The following NNMT variants were observed in gnomAD, a reference collection of about 807,000 sequenced individuals.
The protein encoded by NNMT is nicotinamide N-methyltransferase.
A neutral mutation model predicts 11.7 loss-of-function variants in NNMT; 10 were observed. The observed-to-expected ratio is 0.85, with a 90% CI of 0.53 to 1.45. The LOEUF (loss-of-function observed/expected upper bound fraction) is 1.45. Among genes scored for constraint, NNMT ranks in the 40% most tolerant of loss-of-function variants. NNMT has a pLI of 0.00. For synonymous variants in NNMT, 143 were observed against 133.8 expected (o/e 1.07, Z -0.48); for missense variants, 381 against 319.4 (o/e 1.19, Z -1.47).
intron 1 of NNMT, among the ~76,000 whole-genome samples, chr11:114,258,753 C>A (rs938645193): frequency 2.0e-5 from 3 of 152,208 alleles, no homozygotes; most frequent in African/African-American, 7.2e-5. Context: ...TGACAGAGCC[C>A]CTGCTCAGCA....
chr11:114,301,432 C>G (rs1431834870), intron 2 of NNMT, among the ~76,000 whole-genome samples: 1 of 152,056 alleles, frequency 6.6e-6, no homozygotes, highest in Admixed American at 6.6e-5. Context: ...GGAATAATAT[C>G]CAGTGCTAAA....
intron 2 of NNMT, among the ~76,000 whole-genome samples, chr11:114,267,659 C>T (rs1052853791): frequency 3.3e-5 from 5 of 152,210 alleles, no homozygotes; most frequent in African/African-American, 1.2e-4. Context: ...CTTGCTTCAC[C>T]TATTCTTCTG....
intron 2 of NNMT, among the ~76,000 whole-genome samples, chr11:114,298,868 G>C (rs1945410303): frequency 6.6e-6 from 1 of 152,114 alleles, no homozygotes; most frequent in Non-Finnish European, 1.5e-5. Flanking sequence ...GCCAGAGGTA[G>C]CCACGCCTGC....
upstream of NNMT, among the ~76,000 whole-genome samples, chr11:114,291,955 C>A (rs1785411176): frequency 6.6e-6 from 1 of 152,124 alleles, no homozygotes. Flanking sequence ...CTGGAAAATT[C>A]TCTGTCTTTA....
At chr11:114,269,082 G>A (rs577526689) in intron 2 of NNMT, among the ~76,000 whole-genome samples, 20 of 152,150 alleles carry the variant, frequency 1.3e-4, no homozygotes, top group African/African-American at 4.1e-4. Context: ...GAGGCAAAAC[G>A]AGACTAAATA....
At chr11:114,307,666 G>A (rs1945505009) in intron 2 of NNMT, among the ~76,000 whole-genome samples, 1 of 29,736 alleles carries the variant, frequency 3.4e-5, no homozygotes, top group African/African-American at 6.0e-5. Flanking sequence ...GCCCTGCCTA[G>A]TCTGGCTCTG....
chr11:114,258,785 C>T (rs1945051025), intron 1 of NNMT, among the ~76,000 whole-genome samples: 1 of 152,222 alleles, frequency 6.6e-6, no homozygotes. Flanking sequence ...CTTAAGATCA[C>T]TCTTGAGCCC....
upstream of NNMT, among the ~76,000 whole-genome samples, chr11:114,294,867 T>G (rs964755294): frequency 6.6e-6 from 1 of 151,904 alleles, no homozygotes; most frequent in African/African-American, 2.4e-5. Flanking sequence ...TGACCATGGG[T>G]TTTTTGGCTC....
chr11:114,276,458 A>G (rs914896783), intron 2 of NNMT, among the ~76,000 whole-genome samples: 2 of 152,288 alleles, frequency 1.3e-5, no homozygotes, highest in Non-Finnish European at 2.9e-5. Context: ...CCATCCTGCT[A>G]CCTCATTTGC....
In NNMT at chr11:114,312,181, G is replaced by T; in HGVS notation, c.499G>T (p.Asp167Tyr). 1 of 1,614,230 alleles carries T rather than the reference G, an allele frequency of 6.2e-7. No individual in the cohort carries two copies. Among genetic ancestry groups the T allele is most frequent in the Non-Finnish European group, 8.5e-7 (1 of 1,180,042 alleles). The change falls in exon 3 of 3, where the codon GAT becomes TAT. Residue 167 changes from aspartate (D) to tyrosine (Y), a missense_variant. Asp to Tyr is a radical substitution (Grantham distance 160). Coordinates refer to ENST00000299964, the MANE Select transcript of NNMT (RefSeq NM_006169.3). ...CTGCGTGCTCAGCACACTGTGTCTG[G>T]ATGCCGCCTGCCCAGACCTCCCCAC... ...ADCVLSTLCL[D>Y]AACPDLPTYC...
intron 2 of NNMT, among the ~76,000 whole-genome samples, chr11:114,307,177 A>G (rs933265552): frequency 6.6e-6 from 1 of 152,084 alleles, no homozygotes; most frequent in African/African-American, 2.4e-5. Flanking sequence ...TCAACTAGCT[A>G]TTTCCTCAAT....
intron 2 of NNMT, among the ~76,000 whole-genome samples, chr11:114,308,903 T>G (rs1023368014): frequency 7.2e-5 from 11 of 152,206 alleles, no homozygotes; most frequent in African/African-American, 2.7e-4. Flanking sequence ...TGGCACATTC[T>G]CTGTGAGCTT....
At chr11:114,268,642 G>A (rs997750063) in intron 2 of NNMT, among the ~76,000 whole-genome samples, 2 of 152,066 alleles carry the variant, frequency 1.3e-5, no homozygotes, top group Non-Finnish European at 2.9e-5. Context: ...GGTGGCACAC[G>A]CCTGTAGTCC....
chr11:114,265,732 C>A (rs998254832), intron 2 of NNMT, among the ~76,000 whole-genome samples: 1 of 152,184 alleles, frequency 6.6e-6, no homozygotes, highest in Admixed American at 6.5e-5. Flanking sequence ...AATTCAATTT[C>A]TCCGAAAATA....
chr11:114,296,580 G>T lies in NNMT; in HGVS notation c.24G>T (p.Lys8Asn). 6.2e-7 allele frequency: 1 copy of T among 1,614,012 alleles called. No homozygotes were observed. Among genetic ancestry groups the T allele is most frequent in the Non-Finnish European group, 8.5e-7 (1 of 1,179,990 alleles). MESGFTSKDTYLSHFNPR... is the reference protein window; with the variant it reads MESGFTSNDTYLSHFNPR... ...TAATGGAATCAGGCTTCACCTCCAAGGACACCTATCTAAGCCATTTTAACC... is the reference window on the plus strand; with the variant it reads ...TAATGGAATCAGGCTTCACCTCCAATGACACCTATCTAAGCCATTTTAACC... Residue 8 changes from lysine to asparagine, a missense_variant, in exon 1 of 3, where the codon AAG becomes AAT. Lys to Asn is a moderately conservative substitution (Grantham distance 94). Coordinates refer to ENST00000299964, the MANE Select transcript of NNMT (RefSeq NM_006169.3).
intron 2 of NNMT, among the ~76,000 whole-genome samples, chr11:114,283,181 A>C (rs1482446995): frequency 6.6e-6 from 1 of 152,168 alleles, no homozygotes; most frequent in Non-Finnish European, 1.5e-5. Flanking sequence ...AATGCCCCCC[A>C]TAGGAATTCT....
intron 2 of NNMT, among the ~76,000 whole-genome samples, chr11:114,283,122 T>C (rs1945273604): frequency 6.6e-6 from 1 of 152,138 alleles, no homozygotes. Context: ...TGGTTCTTAC[T>C]CAAATTAAAT....
intron 1 of NNMT, among the ~76,000 whole-genome samples, chr11:114,258,423 C>T (rs683271): frequency 0.29 from 44,447 of 152,156 alleles, 7,064 homozygotes; most frequent in East Asian, 0.55. Flanking sequence ...AGTTGCAGCC[C>T]GTGAGAAGAG....
chr11:114,302,991 C>A (rs561164831), intron 2 of NNMT, among the ~76,000 whole-genome samples: 1 of 152,144 alleles, frequency 6.6e-6, no homozygotes, highest in Non-Finnish European at 1.5e-5. Flanking sequence ...AGACTTCCAG[C>A]CTTTAGAATT....
Sources: allele counts gnomAD v4.1 joint callset (sites outside exome capture counted in the v4.1 genomes callset), GRCh38; gene constraint gnomAD v4.1.1; transcripts MANE v1.5; gene names NCBI Gene and HGNC (gene_info 2026-07-23, HGNC 2026-07-21).